The following PALM2AKAP2 variants were observed in gnomAD, a reference collection of about 807,000 sequenced individuals.
PALM2AKAP2 encodes the protein PALM2-AKAP2 fusion protein.
A neutral mutation model predicts 71.5 loss-of-function variants in PALM2AKAP2; 37 were observed. The observed-to-expected ratio is 0.52, with a 90% CI of 0.40 to 0.68. The LOEUF is 0.68. PALM2AKAP2 is among the 30% of genes least tolerant of loss of function. PALM2AKAP2 has a pLI of 0.00. For missense variants in PALM2AKAP2, 1,224 were observed against 1,191.8 expected (o/e 1.03, Z -0.40); for synonymous variants, 468 against 478.8 (o/e 0.98, Z 0.29).
At chr9:110,166,211 C>T (rs1253894593) in intron 3 of PALM2AKAP2, among the ~76,000 whole-genome samples, 5 of 152,072 alleles carry the variant, frequency 3.3e-5, no homozygotes, top group Non-Finnish European at 5.9e-5. Flanking sequence ...TTGATTTATC[C>T]GTCCAACTTT....
chr9:110,148,078 A>G (rs944478223), intron 2 of PALM2AKAP2, among the ~76,000 whole-genome samples: 5 of 152,184 alleles, frequency 3.3e-5, no homozygotes, highest in African/African-American at 1.2e-4. Context: ...GGGGGGAGGT[A>G]ATCTTCACAC....
chr9:109,808,474 G>A (rs1261196593), intron 1 of PALM2AKAP2, among the ~76,000 whole-genome samples: 1 of 152,220 alleles, frequency 6.6e-6, no homozygotes, highest in South Asian at 2.1e-4. Context: ...AAGCAGCAAA[G>A]TGTTAAAGAG....
At chr9:110,105,609 T>C (rs1835101259) in intron 1 of PALM2AKAP2, among the ~76,000 whole-genome samples, 1 of 152,224 alleles carries the variant, frequency 6.6e-6, no homozygotes, top group Admixed American at 6.5e-5. Context: ...AAACCCCTGA[T>C]ATTTGACCCT....
chr9:109,904,077 A>AT lies in PALM2AKAP2; in HGVS notation c.258-19651dup, dbSNP rs1030243458. Among the ~76,000 whole-genome samples, 9 of 152,298 alleles carry AT rather than the reference A, an allele frequency of 5.9e-5. No individual in the cohort carries two copies. The East Asian group carries it at 1.2e-3, about 20-fold the overall frequency. On this transcript the variant is annotated intron_variant, in intron 3 of 9. Transcript: ENST00000302798. ...TTTAACAGACTTGTTTCTAAATTAA[A>AT]TTTTTTTAAAGCACTGGAAGAGAAA...
intron 3 of PALM2AKAP2, among the ~76,000 whole-genome samples, chr9:109,916,999 T>C (rs1830708957): frequency 6.6e-6 from 1 of 152,180 alleles, no homozygotes; most frequent in Non-Finnish European, 1.5e-5. Context: ...ACAGATGGAA[T>C]TAGAGTTTCC....
intron 1 of PALM2AKAP2, among the ~76,000 whole-genome samples, chr9:109,823,444 G>A (rs985587673): frequency 6.6e-6 from 1 of 152,172 alleles, no homozygotes; most frequent in Non-Finnish European, 1.5e-5. Context: ...TTCTTAGCCT[G>A]TCTGAGTCTT....
In PALM2AKAP2 at chr9:109,749,182, C is replaced by T. The variant is rs377734030; in HGVS notation, c.6-31306C>T. Among the ~76,000 whole-genome samples, 18 of 152,258 alleles carry T rather than the reference C, an allele frequency of 1.2e-4. No individual in the cohort carries two copies. The East Asian group carries it at 3.1e-3, about 26-fold the overall frequency. ...GTATTTCTGTCTTTAGTCCCTTGGT[C>T]TGCCCGTTAGTCCTTCTAGAAGGAG... On this transcript the variant is annotated intron_variant, in intron 1 of 6. Coordinates refer to the PALM2AKAP2 transcript ENST00000374531.
At chr9:109,800,645 C>T (rs1256831528) in intron 1 of PALM2AKAP2, among the ~76,000 whole-genome samples, 1 of 152,228 alleles carries the variant, frequency 6.6e-6, no homozygotes, top group Non-Finnish European at 1.5e-5. Flanking sequence ...CCCAACTGAG[C>T]AATGGTAGTA....
intron 1 of PALM2AKAP2, among the ~76,000 whole-genome samples, chr9:109,798,768 T>G (rs1250394574): frequency 6.6e-6 from 1 of 152,264 alleles, no homozygotes; most frequent in Admixed American, 6.5e-5. Context: ...GTTTACAGAA[T>G]TCTCTCCTTC....
chr9:109,929,018 T>C (rs1234467503), intron 5 of PALM2AKAP2, among the ~76,000 whole-genome samples: 1 of 152,144 alleles, frequency 6.6e-6, no homozygotes, highest in Non-Finnish European at 1.5e-5. Flanking sequence ...CTAAGTGCTG[T>C]AGACTTCAAG....
chr9:109,899,419 T>C (rs949836942), intron 3 of PALM2AKAP2, among the ~76,000 whole-genome samples: 10 of 152,192 alleles, frequency 6.6e-5, no homozygotes, highest in African/African-American at 2.2e-4. Flanking sequence ...CCATTATCTT[T>C]CATGGGGATT....
intron 6 of PALM2AKAP2, among the ~76,000 whole-genome samples, chr9:109,993,402 T>G (rs1832519424): frequency 6.6e-6 from 1 of 152,140 alleles, no homozygotes; most frequent in African/African-American, 2.4e-5. Context: ...CTTCCAGCAT[T>G]CTAAGGGAAG....
At chr9:109,835,345 G>A (rs1828439195) in intron 1 of PALM2AKAP2, among the ~76,000 whole-genome samples, 2 of 148,236 alleles carry the variant, frequency 1.3e-5, no homozygotes, top group African/African-American at 5.0e-5. Flanking sequence ...GAGGGATAGA[G>A]GAAAGGGTGG....
chr9:109,938,024 G>A (rs997922061), intron 6 of PALM2AKAP2, among the ~76,000 whole-genome samples: 2 of 152,160 alleles, frequency 1.3e-5, no homozygotes, highest in African/African-American at 4.8e-5. Flanking sequence ...AGAGACAAAG[G>A]GATGAAAAGT....
At chr9:109,842,495 C>G (rs1828724866) in intron 1 of PALM2AKAP2, among the ~76,000 whole-genome samples, 1 of 152,186 alleles carries the variant, frequency 6.6e-6, no homozygotes, top group Admixed American at 6.5e-5. Flanking sequence ...AGCTTAAACT[C>G]AACAAACCCT....
At chr9:110,136,502 G>T (rs140910746) in exon 2 of PALM2AKAP2, 5 of 1,613,870 alleles carry the variant, frequency 3.1e-6, no homozygotes, top group Admixed American at 3.3e-5. Flanking sequence ...TCTGGTGGGC[G>T]GCCTAAGCCC....
intron 3 of PALM2AKAP2, among the ~76,000 whole-genome samples, chr9:109,883,084 C>T (rs562902723): frequency 6.6e-6 from 1 of 152,052 alleles, no homozygotes; most frequent in African/African-American, 2.4e-5. Context: ...TGAGCCATTG[C>T]GTGTGGAGGC....
At chr9:109,692,567 A>G (rs771741488) in intron 1 of PALM2AKAP2, among the ~76,000 whole-genome samples, 1 of 151,962 alleles carries the variant, frequency 6.6e-6, no homozygotes, top group African/African-American at 2.4e-5. Flanking sequence ...TCATGTAGCT[A>G]TAGGTTTTTT....
At chr9:109,996,271 TA>T (rs1403795561) in intron 6 of PALM2AKAP2, among the ~76,000 whole-genome samples, 10 of 152,202 alleles carry the variant, frequency 6.6e-5, no homozygotes, top group African/African-American at 2.4e-4. Flanking sequence ...GTGGAGAATA[TA>T]ACAGGATCTT....
Sources: gnomAD v4.1 joint callset for allele counts (sites outside exome capture counted in the v4.1 genomes callset) on GRCh38, gnomAD v4.1.1 for gene constraint, MANE v1.5 for transcripts, NCBI Gene and HGNC (gene_info 2026-07-23, HGNC 2026-07-21) for gene names.